AFF1: variants seen among roughly 807,000 people sequenced by gnomAD.
The protein encoded by AFF1 is ALF transcription elongation factor 1, also known as AF4/FMR2 family member 1.
AFF1 carries 48 observed loss-of-function variants against 121.7 expected under a neutral mutation model. The ratio of observed to expected loss-of-function variants is 0.39; its 90% CI spans 0.31 to 0.50. The LOEUF (loss-of-function observed/expected upper bound fraction) is 0.50. Among genes scored for constraint, AFF1 ranks in the 20% least tolerant of loss-of-function variants. AFF1 has a pLI of 0.76. For synonymous variants in AFF1, 613 were observed against 563.0 expected, an observed-to-expected ratio of 1.09 and a Z score of -1.26; for missense variants, 1,523 against 1,511.7, an observed-to-expected ratio of 1.01 and a Z score of -0.12.
rs181256860 is a variant in AFF1 at position 87,053,888 on chromosome 4, A to T, written c.1059+6294A>T. Reference sequence around the variant, plus strand: ...AAGAGGGGATTGTGACTTAGAACTAAGGAGCTGAGGAAGGCTTCTCTGAGG... The same window carrying T: ...AAGAGGGGATTGTGACTTAGAACTATGGAGCTGAGGAAGGCTTCTCTGAGG... On this transcript the variant is annotated intron_variant, in intron 4 of 20. Coordinates refer to ENST00000395146, the MANE Select transcript of AFF1 (RefSeq NM_001166693.3). Among the ~76,000 whole-genome samples, 30 of 152,362 alleles carry T rather than the reference A, an allele frequency of 2.0e-4. No homozygotes were observed. In the East Asian group the frequency reaches 5.2e-3, roughly 26 times the overall value.
At chr4:86,993,727 G>A (rs1277572030) in intron 2 of AFF1, among the ~76,000 whole-genome samples, 2 of 152,162 alleles carry the variant, frequency 1.3e-5, no homozygotes, top group African/African-American at 4.8e-5. Context: ...CATTTTGGGA[G>A]GCTGAGGTGG....
At chr4:87,117,006 T>C (rs1727193664) in intron 12 of AFF1, among the ~76,000 whole-genome samples, 1 of 152,170 alleles carries the variant, frequency 6.6e-6, no homozygotes, top group South Asian at 2.1e-4. Flanking sequence ...TGCTGTGGTC[T>C]TGTGTGGTCT....
intron 2 of AFF1, among the ~76,000 whole-genome samples, chr4:87,005,775 G>A (rs1726058701): frequency 6.6e-6 from 1 of 152,132 alleles, no homozygotes; most frequent in South Asian, 2.1e-4. Flanking sequence ...CTGACTGCTT[G>A]CTTCATTAAC....
intron 2 of AFF1, among the ~76,000 whole-genome samples, chr4:87,043,121 G>C (rs565729545): frequency 5.9e-5 from 9 of 152,304 alleles, no homozygotes; most frequent in Non-Finnish European, 4.4e-5. Flanking sequence ...CTGAGACAAA[G>C]GTAGCATTTA....
chr4:86,998,118 A>AAAC (rs1725375965), intron 2 of AFF1, among the ~76,000 whole-genome samples: 1 of 148,104 alleles, frequency 6.8e-6, no homozygotes, highest in African/African-American at 2.5e-5. Flanking sequence ...AAAAAAAAAA[A>AAAC]AAAAAAAAAC....
chr4:86,985,157 ATAT>A (rs1288672486), intron 2 of AFF1, among the ~76,000 whole-genome samples: 39 of 26,412 alleles, frequency 1.5e-3, no homozygotes, highest in South Asian at 8.3e-3. Context: ...ATATATAAAA[ATAT>A]AATATATATA....
chr4:87,132,975 C>T (rs1428565347), intron 19 of AFF1, among the ~76,000 whole-genome samples: 1 of 152,214 alleles, frequency 6.6e-6, no homozygotes, highest in Non-Finnish European at 1.5e-5. Flanking sequence ...ATGCCACAGG[C>T]GTGAGCCACC....
intron 1 of AFF1, among the ~76,000 whole-genome samples, chr4:86,944,705 T>C (rs963445484): frequency 1.3e-5 from 2 of 152,078 alleles, no homozygotes; most frequent in African/African-American, 2.4e-5. Flanking sequence ...CTCTTGAGAG[T>C]AGGTTCCCCA....
chr4:86,976,275 A>AT lies in AFF1; in HGVS notation c.38+27708dup, dbSNP rs138567916. Reference sequence around the variant, plus strand: ...CTCACATTCTGGTATTATTACTGGCATTTTGCATTGCAAGGAGCCCAGAGG... The same window carrying AT: ...CTCACATTCTGGTATTATTACTGGCATTTTTGCATTGCAAGGAGCCCAGAGG... On this transcript the variant is annotated intron_variant, in intron 2 of 20. Coordinates refer to ENST00000395146, the MANE Select transcript of AFF1 (RefSeq NM_001166693.3). Among the ~76,000 whole-genome samples, 757 of 152,224 alleles carry AT rather than the reference A, an allele frequency of 5.0e-3. 4 individuals carry two copies. The highest frequency in any genetic ancestry group is 0.017 in the African/African-American group (726 of 41,528).
At chr4:87,034,120 C>CG (rs1560558925) in intron 2 of AFF1, among the ~76,000 whole-genome samples, 1 of 152,054 alleles carries the variant, frequency 6.6e-6, no homozygotes, top group East Asian at 1.9e-4. Flanking sequence ...GCTGAGGAGC[C>CG]GATAGTTATA....
At chr4:87,097,642 G>A (rs1303392175) in intron 8 of AFF1, among the ~76,000 whole-genome samples, 1 of 152,212 alleles carries the variant, frequency 6.6e-6, no homozygotes, top group African/African-American at 2.4e-5. Context: ...CTAGTGGAAG[G>A]GAGGAGAGGT....
rs1721028171 is a variant in AFF1, at chr4:86,948,501, A to G, written c.-33A>G. ...CTACTCTTTGTTTCTCTTTCAGATG[A>G]ACAGACTAGCCACTTTGCATTGACT... is the stretch of plus-strand genomic sequence containing the variant. On this transcript the variant is annotated 5_prime_UTR_variant, in exon 2 of 21. Transcript: ENST00000395146. 4 of 1,534,518 alleles carry G rather than the reference A, an allele frequency of 2.6e-6. No individual in the cohort carries two copies. Among genetic ancestry groups the G allele is most frequent in the Non-Finnish European group, 3.5e-6 (4 of 1,144,992 alleles).
intron 2 of AFF1, among the ~76,000 whole-genome samples, chr4:86,956,294 A>G (rs1328578500): frequency 6.6e-6 from 1 of 152,184 alleles, no homozygotes; most frequent in Non-Finnish European, 1.5e-5. Flanking sequence ...ATGGGTTTAG[A>G]AGAGTTTAGA....
chr4:87,007,065 G>T, intron 2 of AFF1: 1 of 1,207,396 alleles, frequency 8.3e-7, no homozygotes, highest in African/African-American at 1.6e-5. Context: ...CGGTCTTCGA[G>T]CGTGGGGGCC....
chr4:87,101,554 G>A (rs953617625), intron 8 of AFF1, among the ~76,000 whole-genome samples: 1 of 149,508 alleles, frequency 6.7e-6, no homozygotes, highest in Non-Finnish European at 1.5e-5. Flanking sequence ...ACTCCAGCAT[G>A]GGCGACAGAG....
intron 2 of AFF1, among the ~76,000 whole-genome samples, chr4:87,011,355 C>T (rs1726740212): frequency 6.6e-6 from 1 of 152,152 alleles, no homozygotes; most frequent in Non-Finnish European, 1.5e-5. Flanking sequence ...AATAAAGAAG[C>T]AAAGTCAGAT....
intron 2 of AFF1, among the ~76,000 whole-genome samples, chr4:86,984,898 G>A (rs1305636371): frequency 6.6e-6 from 1 of 151,878 alleles, no homozygotes; most frequent in Non-Finnish European, 1.5e-5. Context: ...TTCCAGCCTG[G>A]CAGCAGAATG....
chr4:87,024,369 T>C (rs1481851430), intron 2 of AFF1, among the ~76,000 whole-genome samples: 1 of 152,044 alleles, frequency 6.6e-6, no homozygotes. Flanking sequence ...ATGTGTAAAA[T>C]TCCTCTCAGA....
intron 4 of AFF1, among the ~76,000 whole-genome samples, chr4:87,065,952 A>T (rs935649186): frequency 6.6e-6 from 1 of 152,186 alleles, no homozygotes; most frequent in Non-Finnish European, 1.5e-5. Flanking sequence ...TTTTAAATTT[A>T]TTTTTAACTA....
Sources: allele counts gnomAD v4.1 joint callset (sites outside exome capture counted in the v4.1 genomes callset), GRCh38; gene constraint gnomAD v4.1.1; transcripts MANE v1.5; gene names NCBI Gene and HGNC (gene_info 2026-07-23, HGNC 2026-07-21).